Variants in HK1 observed in about 807,000 individuals in gnomAD.
The protein encoded by HK1 is hexokinase-1.
In HK1, 28 loss-of-function variants were observed where a neutral mutation model predicts 91.6. The ratio of observed to expected loss-of-function variants is 0.31; its 90% confidence interval spans 0.23 to 0.42. HK1 has a LOEUF of 0.42. Ranked by LOEUF, HK1 falls within the 10% of genes least tolerant of loss-of-function variation. The pLI, the probability that HK1 is intolerant of heterozygous loss-of-function variation, is 1.00. For synonymous variants in HK1, 430 were observed against 468.1 expected, an observed-to-expected ratio of 0.92 and a Z score of 1.05; for missense variants, 770 against 1,219.8, an observed-to-expected ratio of 0.63 and a Z score of 5.49.
At chr10:69,303,763 T>G (rs1845983930) in intron 5 of HK1, among the ~76,000 whole-genome samples, 1 of 152,172 alleles carries the variant, frequency 6.6e-6, no homozygotes. Context: ...ACAGGGGAAT[T>G]GCAATAAAGA....
chr10:69,325,044 A>ATTTTCTTT (rs1847249116), intron 1 of HK1, among the ~76,000 whole-genome samples: 2 of 93,904 alleles, frequency 2.1e-5, no homozygotes, highest in African/African-American at 4.3e-5. Context: ...AAAAATGTGT[A>ATTTTCTTT]TTTTTTTTTT....
At chr10:69,397,654 GTTGT>G (rs1840201481) in intron 16 of HK1, among the ~76,000 whole-genome samples, 1 of 152,176 alleles carries the variant, frequency 6.6e-6, no homozygotes, top group African/African-American at 2.4e-5. Flanking sequence ...ACATTCATTG[GTTGT>G]TTGAGGAGTA....
intron 1 of HK1, among the ~76,000 whole-genome samples, chr10:69,272,485 T>A (rs1051445856): frequency 6.6e-6 from 1 of 152,198 alleles, no homozygotes; most frequent in Non-Finnish European, 1.5e-5. Flanking sequence ...GCAACTTTTG[T>A]TTGTCTGAAA....
intron 4 of HK1, chr10:69,300,562 C>G (rs1845809994): frequency 2.9e-6 from 2 of 700,780 alleles, no homozygotes; most frequent in South Asian, 3.1e-5. Flanking sequence ...CTGCATTTCT[C>G]TAGATCTTTG....
At chr10:69,310,420 CAAAAAA>C (rs745830600) in intron 5 of HK1, among the ~76,000 whole-genome samples, 1 of 85,386 alleles carries the variant, frequency 1.2e-5, no homozygotes. Flanking sequence ...GACTTTGTCT[CAAAAAA>C]AAAAAAAAAA....
Position 69,359,926 on chromosome 10 carries a change from G to T in HK1, c.256G>T (p.Gly86Cys), listed in dbSNP as rs1377477513. 5 of 1,614,026 alleles carry T rather than the reference G, an allele frequency of 3.1e-6. No individual in the cohort carries two copies. The highest frequency in any genetic ancestry group is 4.2e-6 in the Non-Finnish European group (5 of 1,179,986). Residue 86 changes from glycine (G) to cysteine (C), a missense_variant, in exon 3 of 18, where the codon GGT (glycine) becomes TGT (cysteine). Physicochemically the swap from Gly to Cys is radical, Grantham distance 159 (BLOSUM62 -3). Around this residue, in one of 7 missense-constraint regions of HK1, gnomAD observed 449 missense variants for 665.1 expected, o/e 0.68. Coordinates refer to ENST00000359426, the MANE Select transcript of HK1 (RefSeq NM_000188.3). ...GGGAGATTTCATTGCCCTGGATCTT[G>T]GTGGGTCTTCCTTTCGAATTCTGCG... ...EKGDFIALDL[G>C]GSSFRILRVQ...
chr10:69,391,326 A>G (rs1198363709), intron 14 of HK1, among the ~76,000 whole-genome samples: 1 of 152,282 alleles, frequency 6.6e-6, no homozygotes, highest in Admixed American at 6.5e-5. Context: ...GGCATAGTCC[A>G]CGACCAACCA....
intron 2 of HK1, among the ~76,000 whole-genome samples, chr10:69,344,569 G>A (rs1043329319): frequency 3.3e-5 from 5 of 152,192 alleles, no homozygotes; most frequent in African/African-American, 1.2e-4. Flanking sequence ...AGGGGAGGTA[G>A]AATTGAAAGA....
Position 69,401,342 on chromosome 10 carries a change from C to A in HK1, c.*207C>A. The A allele has an allele frequency of 1.6e-6, 1 of 629,960 alleles. No individual in the cohort carries two copies. 39.0% of individuals were successfully genotyped at this position (629,960 alleles called of 1,614,324 possible). A position where few individuals can be genotyped will look rare whatever the true frequency, so the allele number is the denominator to read the frequency against. On this transcript the variant is annotated 3_prime_UTR_variant, in exon 18 of 18. Transcript: ENST00000359426. ...AATATCTCTCACCCGGATCCCTCCT[C>A]ACTTGCCCTGCCACTTTGCATGGTT...
chr10:69,329,737 A>G (rs2132620578), intron 1 of HK1, among the ~76,000 whole-genome samples: 1 of 152,206 alleles, frequency 6.6e-6, no homozygotes, highest in East Asian at 1.9e-4. Flanking sequence ...GCAAGGAGGG[A>G]AAGACTGGGG....
chr10:69,377,239 C>A, intron 8 of HK1, 150 bp downstream of exon 8: 1 of 892,202 alleles, frequency 1.1e-6, no homozygotes, highest in Non-Finnish European at 1.7e-6. Flanking sequence ...TTAGTTGACC[C>A]ATTCTGGGCC....
upstream of HK1, among the ~76,000 whole-genome samples, chr10:69,318,576 G>A (rs368700687): frequency 6.6e-6 from 1 of 152,184 alleles, no homozygotes; most frequent in African/African-American, 2.4e-5. Flanking sequence ...GGCTCCCTAC[G>A]TGGGGGACGT....
At chr10:69,372,988 G>A (rs1008207181) in intron 7 of HK1, among the ~76,000 whole-genome samples, 6 of 152,106 alleles carry the variant, frequency 3.9e-5, no homozygotes, top group African/African-American at 7.2e-5. Context: ...TCCTGCCTCA[G>A]CCTACCAAGT....
At chr10:69,287,060 A>G (rs1589437999) in intron 2 of HK1, among the ~76,000 whole-genome samples, 1 of 152,240 alleles carries the variant, frequency 6.6e-6, no homozygotes, top group African/African-American at 2.4e-5. Flanking sequence ...GCCCTCAATT[A>G]TGTCATAATA....
chr10:69,293,855 C>CTT (rs34434447), intron 3 of HK1, among the ~76,000 whole-genome samples: 334 of 98,876 alleles, frequency 3.4e-3, no homozygotes, highest in Non-Finnish European at 4.5e-3. Flanking sequence ...ATATTTCTTT[C>CTT]TTTTTTTTTT....
Position 69,380,086 on chromosome 10 carries a change from C to T in HK1, c.1256C>T (p.Thr419Met), listed in dbSNP as rs749146198. The T allele has an allele frequency of 8.1e-6, 13 of 1,613,166 alleles. No individual in the cohort carries two copies. The highest frequency in any genetic ancestry group is 4.0e-5 in the African/African-American group (3 of 74,922). ...TVGVDGSLYK[T>M]HPQYSRRFHK... ...GGTGTCGACGGATCTCTTTACAAGA[C>T]GCACCCACAGTGAGTCTGCCCTTTG... The change falls in exon 9 of 18, where the codon ACG (threonine) becomes ATG (methionine). Residue 419 changes from threonine (T) to methionine (M), a missense_variant. Transcript: ENST00000359426. This position sits in a 1 kb window ranked among gnomAD's most constrained non-coding sequence, Gnocchi z 4.0.
intron 2 of HK1, among the ~76,000 whole-genome samples, chr10:69,355,696 G>A (rs953578019): frequency 6.6e-6 from 1 of 152,172 alleles, no homozygotes; most frequent in Non-Finnish European, 1.5e-5. Flanking sequence ...GGAGGCTGAG[G>A]CATGAGAATT....
At chr10:69,395,347 G>T (rs1162807784) in intron 16 of HK1, among the ~76,000 whole-genome samples, 2 of 152,202 alleles carry the variant, frequency 1.3e-5, no homozygotes, top group Non-Finnish European at 2.9e-5. Context: ...GGAGGCCGAG[G>T]CAGGCGGATC....
At chr10:69,296,924 G>A (rs952136922) in intron 4 of HK1, among the ~76,000 whole-genome samples, 1 of 152,140 alleles carries the variant, frequency 6.6e-6, no homozygotes, top group Non-Finnish European at 1.5e-5. Context: ...CAGAGAGGGG[G>A]TAGGGGGCAT....
Sources: gnomAD v4.1 joint callset for allele counts (sites outside exome capture counted in the v4.1 genomes callset) on GRCh38, gnomAD v4.1.1 for gene constraint, gnomAD v4.1.1 regional missense constraint, Gnocchi (gnomAD v3.1) non-coding constraint, MANE v1.5 for transcripts, NCBI Gene and HGNC (gene_info 2026-07-23, HGNC 2026-07-21) for gene names.